Variants in AGBL1 observed in about 807,000 individuals in gnomAD.
The protein encoded by AGBL1 is AGBL carboxypeptidase 1.
Under a neutral mutation model 118.9 loss-of-function variants are expected in AGBL1, and 130 were observed. That is an observed-to-expected ratio of 1.09 (90% CI 0.95 to 1.26). The LOEUF is 1.26. Ranked by LOEUF, AGBL1 falls within the 50% of genes most tolerant of loss-of-function variation. The pLI is 0.00. For missense variants in AGBL1, 1,584 were observed against 1,298.1 expected (o/e 1.22, Z -3.38); for synonymous variants, 555 against 478.9 (o/e 1.16, Z -2.08).
chr15:86,412,500 A>G (rs1835629), intron 18 of AGBL1, among the ~76,000 whole-genome samples: 6,664 of 152,230 alleles, frequency 0.044, 232 homozygotes, highest in East Asian at 0.14. Flanking sequence ...ACAGTGTTTT[A>G]ACTATAATTG....
chr15:86,583,179 A>C (rs2084197734), intron 21 of AGBL1, among the ~76,000 whole-genome samples: 1 of 152,090 alleles, frequency 6.6e-6, no homozygotes, highest in South Asian at 2.1e-4. Context: ...CTTTTATGTT[A>C]GAGTCAGGGA....
chr15:86,705,182 T>G (rs1473534758), intron 22 of AGBL1, among the ~76,000 whole-genome samples: 1 of 152,102 alleles, frequency 6.6e-6, no homozygotes, highest in Non-Finnish European at 1.5e-5. Context: ...AAATACCTAA[T>G]GCATGCAGGA....
chr15:86,652,659 C>G (rs1043769557), intron 21 of AGBL1, among the ~76,000 whole-genome samples: 1 of 152,080 alleles, frequency 6.6e-6, no homozygotes, highest in Admixed American at 6.6e-5. Flanking sequence ...TTCTGGAACC[C>G]TATTCTGAGA....
At chr15:87,008,499 C>T (rs1192653229) in intron 24 of AGBL1, among the ~76,000 whole-genome samples, 1 of 152,128 alleles carries the variant, frequency 6.6e-6, no homozygotes, top group Non-Finnish European at 1.5e-5. Context: ...CAGGGTATGA[C>T]TTTATCAGCA....
rs142730124 is a variant in AGBL1, at chr15:86,167,006, T to C, written c.488+7980T>C. On this transcript the variant is annotated intron_variant, in intron 5 of 22. Transcript: ENST00000614907. ...CCCTCTAGAGACTAGAGGCAGGCTC[T>C]AGGAACTTTCACTTGCCATAGAAGT... Among the ~76,000 whole-genome samples the C allele has an allele frequency of 3.0e-3, 463 of 152,280 alleles. 2 individuals are homozygous for C. Among genetic ancestry groups the C allele is most frequent in the Middle Eastern group, 6.8e-3 (2 of 294 alleles).
chr15:86,264,843 T>C lies in AGBL1; in HGVS notation c.1667+5T>C. The C allele has an allele frequency of 6.4e-7, 1 of 1,574,018 alleles. No individual in the cohort carries two copies. On this transcript the variant is annotated splice_donor_5th_base_variant and intron_variant, in intron 11 of 22. Coordinates refer to ENST00000614907, the MANE Select transcript of AGBL1 (RefSeq NM_001386094.1). ...ACGAAAATGTGGAGTCCAAAGGTGATGGCGCTACTGACTTGGGAGCTCTTT... is the reference window on the plus strand; with the variant it reads ...ACGAAAATGTGGAGTCCAAAGGTGACGGCGCTACTGACTTGGGAGCTCTTT...
chr15:86,420,891 G>A (rs967540330), intron 18 of AGBL1, among the ~76,000 whole-genome samples: 6 of 152,178 alleles, frequency 3.9e-5, no homozygotes, highest in Admixed American at 3.3e-4. Flanking sequence ...GAAATAAAGT[G>A]TGAAGATGTG....
chr15:86,823,247 A>C (rs899962018), intron 22 of AGBL1, among the ~76,000 whole-genome samples: 1 of 152,158 alleles, frequency 6.6e-6, no homozygotes, highest in African/African-American at 2.4e-5. Flanking sequence ...CTCACCTTTA[A>C]AAATTAAGGC....
At chr15:86,786,801 C>G (rs1271742159) in intron 22 of AGBL1, among the ~76,000 whole-genome samples, 2 of 152,168 alleles carry the variant, frequency 1.3e-5, no homozygotes, top group Admixed American at 6.5e-5. Context: ...ATTAGAAACA[C>G]TAGAATTTAT....
chr15:86,520,743 G>A (rs1009071344), intron 18 of AGBL1, among the ~76,000 whole-genome samples: 1 of 152,196 alleles, frequency 6.6e-6, no homozygotes, highest in African/African-American at 2.4e-5. Flanking sequence ...CCCCAGTGTT[G>A]ATGAGAATCC....
chr15:86,400,699 C>T (rs2081431820), intron 18 of AGBL1, among the ~76,000 whole-genome samples: 1 of 151,598 alleles, frequency 6.6e-6, no homozygotes, highest in African/African-American at 2.4e-5. Context: ...CAAATGATAA[C>T]ATATGATATT....
At chr15:86,633,818 G>A (rs12909333) in intron 21 of AGBL1, among the ~76,000 whole-genome samples, 6 of 4,700 alleles carry the variant, frequency 1.3e-3, no homozygotes, top group African/African-American at 2.8e-3. Flanking sequence ...TATAATGTAT[G>A]TATATATATA....
intron 21 of AGBL1, among the ~76,000 whole-genome samples, chr15:86,639,033 T>A (rs2469189): frequency 0.76 from 114,887 of 152,156 alleles, 43,964 homozygotes; most frequent in Middle Eastern, 0.87. Flanking sequence ...TTTTGCTTCA[T>A]TGATGCTGCA....
intron 21 of AGBL1, among the ~76,000 whole-genome samples, chr15:86,555,067 G>A (rs1031207729): frequency 1.3e-5 from 2 of 152,108 alleles, no homozygotes; most frequent in African/African-American, 4.8e-5. Context: ...AGTGGGTTTT[G>A]GACTCATATG....
At position 86,717,629 on chromosome 15, in the gene AGBL1, A is replaced by G. The variant is rs575442365; in HGVS notation, c.3158+43193A>G. The stretch of plus-strand genomic sequence containing the variant: ...GGAGCAGAAGTAGCCTTAGCCAAGT[A>G]GAAAAGCAAAGGCTTGGCTCCCTGG... On this transcript the variant is annotated intron_variant, in intron 22 of 22. Transcript: ENST00000614907. 2.8e-3 allele frequency among the ~76,000 whole-genome samples: 422 copies of G among 152,336 alleles called. 1 individual carries two copies. The highest frequency in any genetic ancestry group is 9.3e-3 in the South Asian group (45 of 4,822).
chr15:86,295,857 C>A, intron 17 of AGBL1: 1 of 155,720 alleles, frequency 6.4e-6, no homozygotes, highest in Admixed American at 6.2e-5. Flanking sequence ...GTCTGAAGGG[C>A]TGAAGATGTG....
At position 86,698,584 on chromosome 15, in the gene AGBL1, TC is replaced by T. The variant is rs367675613; in HGVS notation, c.3158+24150del. Among the ~76,000 whole-genome samples the T allele has an allele frequency of 2.9e-3, 438 of 151,588 alleles. 2 individuals carry two copies. Among genetic ancestry groups the T allele is most frequent in the African/African-American group, 9.8e-3 (404 of 41,332 alleles). The stretch of plus-strand genomic sequence containing the variant: ...GCATCCGCTCCTTTTTTATTGGAAT[TC>T]CATCTGTATATAGTGCTGATCATTG... On this transcript the variant is annotated intron_variant, in intron 22 of 22. Coordinates refer to ENST00000614907, the MANE Select transcript of AGBL1 (RefSeq NM_001386094.1).
At chr15:86,333,049 A>G (rs1361671761) in intron 17 of AGBL1, among the ~76,000 whole-genome samples, 3 of 152,214 alleles carry the variant, frequency 2.0e-5, no homozygotes, top group Non-Finnish European at 4.4e-5. Flanking sequence ...CAGGATTAAG[A>G]AGAAAGTTTA....
At chr15:86,351,824 C>T (rs2080631565) in intron 17 of AGBL1, among the ~76,000 whole-genome samples, 1 of 152,166 alleles carries the variant, frequency 6.6e-6, no homozygotes, top group African/African-American at 2.4e-5. Flanking sequence ...CCATTTATTT[C>T]TGTATAAATA....
Sources: gnomAD v4.1 joint callset for allele counts (sites outside exome capture counted in the v4.1 genomes callset) on GRCh38, gnomAD v4.1.1 for gene constraint, MANE v1.5 for transcripts, NCBI Gene and HGNC (gene_info 2026-07-23, HGNC 2026-07-21) for gene names.